SLC38A12: variants seen among roughly 807,000 people sequenced by gnomAD.
SLC38A12 encodes solute carrier family 38 member 12.
At chr17:74,833,246 C>G in the SLC38A12 span, among the ~76,000 whole-genome samples, 1 of 152,252 alleles carries the variant, frequency 6.6e-6, no homozygotes, top group African/African-American at 2.4e-5. Flanking sequence ...AACTCCTGAC[C>G]TCAGGTGATC....
chr17:74,791,928 C>A, the SLC38A12 span, among the ~76,000 whole-genome samples: 1 of 151,446 alleles, frequency 6.6e-6, no homozygotes, highest in Non-Finnish European at 1.5e-5. Flanking sequence ...AGGCGGCTCA[C>A]GAGGTGAGGA....
At chr17:74,811,434 A>G in the SLC38A12 span, among the ~76,000 whole-genome samples, 1 of 152,186 alleles carries the variant, frequency 6.6e-6, no homozygotes, top group Non-Finnish European at 1.5e-5. Flanking sequence ...ACTGGGGGCC[A>G]GGCTGGCCAG....
chr17:74,788,581 G>A, the SLC38A12 span, among the ~76,000 whole-genome samples: 28 of 152,194 alleles, frequency 1.8e-4, no homozygotes, highest in Admixed American at 6.5e-4. Flanking sequence ...TCTCTCTCTC[G>A]TGCACCGGAA....
the SLC38A12 span, among the ~76,000 whole-genome samples, chr17:74,815,658 T>G: frequency 6.6e-6 from 1 of 152,344 alleles, no homozygotes; most frequent in Non-Finnish European, 1.5e-5. Context: ...AAGTGCCATG[T>G]GCTGTAGGGT....
At chr17:74,810,310 G>A in the SLC38A12 span, among the ~76,000 whole-genome samples, 3 of 152,312 alleles carry the variant, frequency 2.0e-5, no homozygotes, top group South Asian at 2.1e-4. Context: ...TTCTGTCTTC[G>A]GTCATCATGT....
chr17:74,776,844 A>G, the SLC38A12 span, among the ~76,000 whole-genome samples: 1 of 152,182 alleles, frequency 6.6e-6, no homozygotes, highest in Non-Finnish European at 1.5e-5. Context: ...GAAAGCCCCC[A>G]GCTCCCTGCC....
At chr17:74,827,429 G>T in the SLC38A12 span, among the ~76,000 whole-genome samples, 2 of 151,834 alleles carry the variant, frequency 1.3e-5, no homozygotes, top group African/African-American at 4.8e-5. This position sits in a 1 kb window ranked among gnomAD's most constrained non-coding sequence, Gnocchi z 4.7. Flanking sequence ...CCAAGTAGCT[G>T]GGATTACAAG....
At chr17:74,794,200 A>G in the SLC38A12 span, among the ~76,000 whole-genome samples, 2 of 152,138 alleles carry the variant, frequency 1.3e-5, no homozygotes, top group African/African-American at 4.8e-5. Context: ...AATTCTTCTC[A>G]CCCTTACGGG....
the SLC38A12 span, chr17:74,838,619 C>G: frequency 7.5e-7 from 1 of 1,341,222 alleles, no homozygotes; most frequent in Non-Finnish European, 9.6e-7. Flanking sequence ...TCGCTGATGC[C>G]AAGTGGGGAC....
chr17:74,790,906 C>T, the SLC38A12 span: 43 of 1,570,666 alleles, frequency 2.7e-5, no homozygotes, highest in African/African-American at 5.0e-4. Flanking sequence ...CCCTCTGAAG[C>T]TCTCCACGTG....
chr17:74,777,478 C>G, the SLC38A12 span: 1 of 1,581,196 alleles, frequency 6.3e-7, no homozygotes, highest in Non-Finnish European at 8.6e-7. Flanking sequence ...GCTGCTTGAG[C>G]AGACCATAGT....
At chr17:74,788,750 A>C in the SLC38A12 span, 2 of 1,590,480 alleles carry the variant, frequency 1.3e-6, no homozygotes, top group Admixed American at 3.4e-5. Flanking sequence ...GTCTCCTCCA[A>C]CCTGTCCGCC....
the SLC38A12 span, among the ~76,000 whole-genome samples, chr17:74,805,501 C>T: frequency 6.6e-6 from 1 of 152,234 alleles, no homozygotes; most frequent in Admixed American, 6.5e-5. This position sits in a 1 kb window ranked among gnomAD's most constrained non-coding sequence, Gnocchi z 5.0. Flanking sequence ...GAGGGCATCT[C>T]ACTCTGACCC....
At chr17:74,824,863 C>T in the SLC38A12 span, among the ~76,000 whole-genome samples, 1 of 152,200 alleles carries the variant, frequency 6.6e-6, no homozygotes, top group Non-Finnish European at 1.5e-5. Flanking sequence ...GTTTTCCAAG[C>T]CGACAGGGAG....
At chr17:74,786,969 G>A in the SLC38A12 span, among the ~76,000 whole-genome samples, 1 of 152,214 alleles carries the variant, frequency 6.6e-6, no homozygotes, top group Non-Finnish European at 1.5e-5. Flanking sequence ...ACCCATTTGT[G>A]TTTGAACGTG....
the SLC38A12 span, among the ~76,000 whole-genome samples, chr17:74,801,127 T>C: frequency 6.6e-6 from 1 of 152,216 alleles, no homozygotes; most frequent in Admixed American, 6.5e-5. Flanking sequence ...GGCGACCATG[T>C]AGGGGCTCAC....
chr17:74,800,084 A>G, the SLC38A12 span, among the ~76,000 whole-genome samples: 2 of 152,226 alleles, frequency 1.3e-5, no homozygotes, highest in African/African-American at 2.4e-5. Flanking sequence ...GCAGACAGAC[A>G]ACAGCTCAGC....
chr17:74,787,491 G>A, the SLC38A12 span, among the ~76,000 whole-genome samples: 5 of 151,710 alleles, frequency 3.3e-5, no homozygotes, highest in Admixed American at 6.6e-5. Context: ...GCGCGGTGGC[G>A]GGTGCCTGTA....
the SLC38A12 span, chr17:74,837,462 A>C: frequency 2.0e-6 from 2 of 985,506 alleles, no homozygotes; most frequent in African/African-American, 3.5e-5. Context: ...GCCCCACTGG[A>C]GCCCTCAGGG....
Sources: allele counts gnomAD v4.1 joint callset (sites outside exome capture counted in the v4.1 genomes callset), GRCh38; gene constraint gnomAD v4.1.1; non-coding constraint Gnocchi (gnomAD v3.1); transcripts MANE v1.5; gene names NCBI Gene and HGNC (gene_info 2026-07-23, HGNC 2026-07-21).